ANAPC16: variants seen among roughly 807,000 people sequenced by gnomAD.
ANAPC16 encodes the protein anaphase promoting complex subunit 16.
Under a neutral mutation model 13.1 loss-of-function variants are expected in ANAPC16, and 6 were observed. The observed-to-expected ratio is 0.46, with a 90% confidence interval of 0.25 to 0.90. The LOEUF (loss-of-function observed/expected upper bound fraction) is 0.90, where lower values mean the gene tolerates loss of function less well. Among genes scored for constraint, ANAPC16 ranks in the 40% least tolerant of loss-of-function variants. The pLI is 0.18. For synonymous variants in ANAPC16, 55 were observed against 51.3 expected (o/e 1.07, Z -0.31); for missense variants, 113 against 131.1 (o/e 0.86, Z 0.67).
chr10:72,224,612 C>CAAA (rs66526217), intron 2 of ANAPC16, among the ~76,000 whole-genome samples: 1 of 103,554 alleles, frequency 9.7e-6, no homozygotes, highest in Non-Finnish European at 2.3e-5. Flanking sequence ...GACTCTGTCT[C>CAAA]AAAAAAAAAA....
chr10:72,218,198 A>G (rs1407652846), intron 1 of ANAPC16, among the ~76,000 whole-genome samples: 2 of 117,448 alleles, frequency 1.7e-5, no homozygotes, highest in Admixed American at 1.7e-4. Context: ...ATATATATAT[A>G]TATATATATA....
At chr10:72,226,942 A>G (rs139086298) in intron 2 of ANAPC16, among the ~76,000 whole-genome samples, 1 of 152,302 alleles carries the variant, frequency 6.6e-6, no homozygotes, top group African/African-American at 2.4e-5. Flanking sequence ...TACTCAAGTT[A>G]GTATCACTGA....
intron 1 of ANAPC16, among the ~76,000 whole-genome samples, chr10:72,217,682 A>T (rs1859588777): frequency 6.6e-6 from 1 of 152,058 alleles, no homozygotes; most frequent in African/African-American, 2.4e-5. Context: ...AATGACTTTG[A>T]ATAGCCAAGA....
At position 72,233,046 on chromosome 10, in the gene ANAPC16, AG is replaced by A; in HGVS notation, c.264del (p.Glu88AspfsTer48). On this transcript the variant is annotated frameshift_variant, in exon 4 of 4. Transcript: ENST00000299381. LOFTEE classifies it high-confidence loss of function. ...GAAAAACTAGCTGGTTTGGTAGAAG[AG>A]CTGGAGGCTGACGAGTGGCGGTTTA... The part of the protein sequence containing the change: ...RMEKLAGLVE[E>X]LEADEWRFKP... The A allele has an allele frequency of 1.2e-6, 2 of 1,614,212 alleles. No individual in the cohort carries two copies. The highest frequency in any genetic ancestry group is 2.2e-5 in the South Asian group (2 of 91,084).
At chr10:72,221,604 G>A (rs1390148343) in intron 1 of ANAPC16, among the ~76,000 whole-genome samples, 1 of 141,822 alleles carries the variant, frequency 7.1e-6, no homozygotes, top group Non-Finnish European at 1.5e-5. Context: ...CCAGACTGGA[G>A]TGCAATGGAA....
chr10:72,231,109 A>G (rs754058074), intron 3 of ANAPC16, among the ~76,000 whole-genome samples: 1 of 152,194 alleles, frequency 6.6e-6, no homozygotes, highest in Admixed American at 6.5e-5. Context: ...TTCTGCATCA[A>G]CAAACTGTGT....
chr10:72,230,577 T>C (rs1860266176), intron 3 of ANAPC16, 137 bp downstream of exon 3: 1 of 717,640 alleles, frequency 1.4e-6, no homozygotes. Context: ...TAGGTCTTAA[T>C]CTAGTCATAA....
intron 1 of ANAPC16, chr10:72,216,747 T>C: frequency 2.2e-6 from 1 of 450,106 alleles, no homozygotes; most frequent in South Asian, 1.6e-5. Flanking sequence ...GCATCTTAGC[T>C]CGGACACAGC....
intron 1 of ANAPC16, among the ~76,000 whole-genome samples, chr10:72,218,947 T>G (rs1027017553): frequency 6.6e-6 from 1 of 152,208 alleles, no homozygotes; most frequent in African/African-American, 2.4e-5. Context: ...TTCGTTTGAT[T>G]ATATTCAGCT....
chr10:72,231,509 T>C (rs752396176), intron 3 of ANAPC16, among the ~76,000 whole-genome samples: 1 of 152,120 alleles, frequency 6.6e-6, no homozygotes, highest in Non-Finnish European at 1.5e-5. Context: ...AGACCCTGTC[T>C]CTGGAAAAAA....
In ANAPC16 at chr10:72,233,604, T is replaced by G. The variant is rs544019705; in HGVS notation, c.*488T>G. The G allele has an allele frequency of 6.5e-6, 1 of 153,080 alleles. No individual in the cohort carries two copies. The highest frequency in any genetic ancestry group is 2.4e-5 in the African/African-American group (1 of 41,464). 9.5% of individuals were successfully genotyped at this position (153,080 alleles called of 1,614,324 possible). ...ATCCAAATGAGGAATTTTTAAATAT[T>G]CTTTTTTTTTTCCTATTTTTAGACA... On this transcript the variant is annotated 3_prime_UTR_variant, in exon 4 of 4. Coordinates refer to ENST00000299381, the MANE Select transcript of ANAPC16 (RefSeq NM_173473.4).
At chr10:72,222,388 A>C (rs1859971115) in intron 1 of ANAPC16, among the ~76,000 whole-genome samples, 1 of 150,554 alleles carries the variant, frequency 6.6e-6, no homozygotes, top group South Asian at 2.1e-4. Flanking sequence ...ACTGCACTCC[A>C]GCCTGCCAAC....
At chr10:72,231,021 C>T (rs921164894) in intron 3 of ANAPC16, among the ~76,000 whole-genome samples, 5 of 152,138 alleles carry the variant, frequency 3.3e-5, no homozygotes, top group South Asian at 4.1e-4. Flanking sequence ...AGTATTTGTA[C>T]GATACCTCCT....
intron 2 of ANAPC16, among the ~76,000 whole-genome samples, chr10:72,226,660 C>A (rs1564793513): frequency 6.6e-6 from 1 of 150,582 alleles, no homozygotes; most frequent in African/African-American, 2.4e-5. Flanking sequence ...GTGATGGAGA[C>A]CTTGTCTCAA....
At chr10:72,231,020 AC>A (rs752700704) in intron 3 of ANAPC16, among the ~76,000 whole-genome samples, 1 of 152,154 alleles carries the variant, frequency 6.6e-6, no homozygotes, top group Non-Finnish European at 1.5e-5. Context: ...AAGTATTTGT[AC>A]GATACCTCCT....
intron 3 of ANAPC16, among the ~76,000 whole-genome samples, chr10:72,230,674 C>A (rs571223589): frequency 6.6e-6 from 1 of 152,042 alleles, no homozygotes; most frequent in South Asian, 2.1e-4. Flanking sequence ...GCGGGTGGAT[C>A]ACTTGAGGTC....
intron 2 of ANAPC16, among the ~76,000 whole-genome samples, chr10:72,229,814 T>G (rs1440548280): frequency 1.3e-5 from 2 of 152,352 alleles, no homozygotes; most frequent in East Asian, 3.9e-4. Flanking sequence ...TTGCAGTGTT[T>G]TGGTTCAGTT....
chr10:72,226,605 G>A (rs1860129706), intron 2 of ANAPC16, among the ~76,000 whole-genome samples: 1 of 151,940 alleles, frequency 6.6e-6, no homozygotes. Flanking sequence ...CCTGGGAGGT[G>A]GAGGCTGCAG....
rs1239653289 is a variant in ANAPC16 at position 72,234,734 on chromosome 10, G to A, written c.*1618G>A. On this transcript the variant is annotated 3_prime_UTR_variant, in exon 4 of 4. Transcript: ENST00000299381. ...CGGGAGGTGGTGACCTCATTCAGTC[G>A]GTTAAGAGCCTGAGCCCTGTGAAGT... 3 of 152,158 alleles carry A rather than the reference G, an allele frequency of 2.0e-5. No individual in the cohort carries two copies. The highest frequency in any genetic ancestry group is 2.9e-5 in the Non-Finnish European group (2 of 68,030). 9.4% of individuals were successfully genotyped at this position (152,158 alleles called of 1,614,324 possible).
Sources: allele counts gnomAD v4.1 joint callset (sites outside exome capture counted in the v4.1 genomes callset), GRCh38; gene constraint gnomAD v4.1.1; transcripts MANE v1.5; gene names NCBI Gene and HGNC (gene_info 2026-07-23, HGNC 2026-07-21).